The following RB1CC1 variants were observed in gnomAD, a reference collection of about 807,000 sequenced individuals.
RB1CC1 encodes RB1-inducible coiled-coil protein 1.
Under a neutral mutation model 177.5 loss-of-function variants are expected in RB1CC1, and 46 were observed. That is an observed-to-expected ratio of 0.26 (90% CI 0.20 to 0.33). The LOEUF (loss-of-function observed/expected upper bound fraction) is 0.33. RB1CC1 is among the 10% of genes least tolerant of loss of function. The pLI is 1.00. For synonymous variants in RB1CC1, 666 were observed against 613.6 expected (o/e 1.09, Z -1.26); for missense variants, 1,703 against 1,816.3 (o/e 0.94, Z 1.13).
chr8:52,673,805 A>G (rs1265827158), intron 7 of RB1CC1, 40 bp downstream of exon 7: 1 of 1,504,144 alleles, frequency 6.6e-7, no homozygotes, highest in Admixed American at 2.0e-5. Context: ...AATATAAAGT[A>G]GTAAAATGAC....
At chr8:52,712,068 C>G (rs1320252031) in intron 1 of RB1CC1, among the ~76,000 whole-genome samples, 1 of 152,114 alleles carries the variant, frequency 6.6e-6, no homozygotes, top group Non-Finnish European at 1.5e-5. Context: ...TTTTTATGTT[C>G]CTCATGTAAC....
At chr8:52,686,111 C>T (rs1591085390) in intron 2 of RB1CC1, 2 of 152,374 alleles carry the variant, frequency 1.3e-5, no homozygotes, top group South Asian at 4.1e-4. Flanking sequence ...AAGAAATCCT[C>T]CTTAATAGTT....
At chr8:52,699,419 G>A (rs1855785490) in intron 1 of RB1CC1, among the ~76,000 whole-genome samples, 2 of 152,042 alleles carry the variant, frequency 1.3e-5, no homozygotes, top group Admixed American at 1.3e-4. Flanking sequence ...AAACAAGATT[G>A]GCCATGACGT....
intron 16 of RB1CC1, 171 bp from the exon 17 acceptor site, chr8:52,642,983 C>G: frequency 1.4e-6 from 1 of 725,480 alleles, no homozygotes; most frequent in Non-Finnish European, 1.9e-6. Context: ...GGCAAAGGTT[C>G]TACTTTCTTG....
At chr8:52,663,744 C>T (rs891756927) in intron 8 of RB1CC1, among the ~76,000 whole-genome samples, 7 of 152,022 alleles carry the variant, frequency 4.6e-5, no homozygotes, top group African/African-American at 1.7e-4. Context: ...ATAAAAATTC[C>T]AGACCAGCCA....
At chr8:52,709,145 T>G (rs1221747461) in intron 1 of RB1CC1, among the ~76,000 whole-genome samples, 1 of 151,988 alleles carries the variant, frequency 6.6e-6, no homozygotes, top group African/African-American at 2.4e-5. Context: ...AGTCAGAGGT[T>G]GCGGTCAGCT....
At chr8:52,633,721 CAT>C (rs1437506534) in intron 20 of RB1CC1, among the ~76,000 whole-genome samples, 1 of 152,168 alleles carries the variant, frequency 6.6e-6, no homozygotes, top group Non-Finnish European at 1.5e-5. Flanking sequence ...TTTATTAAAA[CAT>C]ATAATTGGCT....
chr8:52,661,517 T>A lies in RB1CC1; in HGVS notation c.1358+18A>T. On this transcript the variant is annotated intron_variant, in intron 9 of 23. Coordinates refer to ENST00000025008, the MANE Select transcript of RB1CC1 (RefSeq NM_014781.5). ...CCAATTCTAAACATCTTAAAACAGA[T>A]ATAAATGAATCACTTACTTCAGTCT... 1 of 1,567,268 alleles carries A rather than the reference T, an allele frequency of 6.4e-7. No individual in the cohort carries two copies. Among genetic ancestry groups the A allele is most frequent in the South Asian group, 1.2e-5 (1 of 83,858 alleles).
intron 5 of RB1CC1, among the ~76,000 whole-genome samples, chr8:52,679,400 C>T (rs1225530318): frequency 6.6e-6 from 1 of 152,208 alleles, no homozygotes; most frequent in Non-Finnish European, 1.5e-5. Flanking sequence ...GGCCTATCTG[C>T]TTCCTCTGTC....
At position 52,704,270 on chromosome 8, in the gene RB1CC1, C is replaced by T. The variant is rs117075298; in HGVS notation, c.-167+9805G>A. 5.5e-3 allele frequency among the ~76,000 whole-genome samples: 833 copies of T among 152,080 alleles called. 7 individuals are homozygous for T. Among genetic ancestry groups the T allele is most frequent in the South Asian group, 0.021 (99 of 4,818 alleles). ...ATCTTCTATAAATAGTCAAATCATA[C>T]ATTAAACATGAGTCTAACACACTGA... On this transcript the variant is annotated intron_variant, in intron 1 of 23. Coordinates refer to ENST00000025008, the MANE Select transcript of RB1CC1 (RefSeq NM_014781.5).
Position 52,657,531 on chromosome 8 carries a change from T to G in RB1CC1, c.2298A>C (p.Ser766=). The change falls in exon 15 of 24, where the codon TCA becomes TCC. Residue 766 remains serine, a synonymous_variant. Transcript: ENST00000025008. ...SPEMMVESLY[S]SVINAIDSRR... ...TACTGTCTATCGCATTGATAACTGA[T>G]GAATAAAGTGATTCCACCATCATTT... 1 of 1,614,044 alleles carries G rather than the reference T, an allele frequency of 6.2e-7. No homozygotes were observed. Among genetic ancestry groups the G allele is most frequent in the South Asian group, 1.1e-5 (1 of 91,084 alleles).
intron 1 of RB1CC1, among the ~76,000 whole-genome samples, 174 bp downstream of exon 1, chr8:52,713,901 A>C (rs900689351): frequency 6.6e-6 from 1 of 152,094 alleles, no homozygotes; most frequent in East Asian, 1.9e-4. Flanking sequence ...GCCAGTGGGC[A>C]ACACCTGCCG....
Position 52,698,669 on chromosome 8 carries a change from G to GTTTTTTTTTTTTTTT in RB1CC1, c.-166-11703_-166-11702insAAAAAAAAAAAAAAA, listed in dbSNP as rs1855693493. Among the ~76,000 whole-genome samples the GTTTTTTTTTTTTTTT allele has an allele frequency of 1.8e-4, 4 of 22,770 alleles. 2 individuals are homozygous for GTTTTTTTTTTTTTTT. The highest frequency in any genetic ancestry group is 5.5e-4 in the African/African-American group (4 of 7,330). 14.9% of individuals were successfully genotyped at this position (22,770 alleles called of 152,430 possible). The stretch of plus-strand genomic sequence containing the variant: ...AACAAAAACTGTATATGTAATGGTT[G>GTTTTTTTTTTTTTTT]GTTTTTTTTTTTTTTTTTTTTTTTT... On this transcript the variant is annotated intron_variant, in intron 1 of 23. Transcript: ENST00000025008.
intron 1 of RB1CC1, among the ~76,000 whole-genome samples, chr8:52,707,931 A>G (rs1856723897): frequency 6.6e-6 from 1 of 152,214 alleles, no homozygotes; most frequent in African/African-American, 2.4e-5. Context: ...TCCACATATC[A>G]GTTGACAATC....
chr8:52,626,543 G>A (rs1345412999), intron 22 of RB1CC1, among the ~76,000 whole-genome samples: 4 of 152,060 alleles, frequency 2.6e-5, no homozygotes, highest in African/African-American at 9.7e-5. Flanking sequence ...AGATGAATCT[G>A]GGTAAAGAAA....
chr8:52,654,814 A>G (rs1368000632), intron 15 of RB1CC1, among the ~76,000 whole-genome samples: 3 of 152,092 alleles, frequency 2.0e-5, no homozygotes, highest in Non-Finnish European at 4.4e-5. Flanking sequence ...TTCAGTAAGA[A>G]TCCTGTTAGA....
At chr8:52,689,818 T>C (rs570256095) in intron 1 of RB1CC1, among the ~76,000 whole-genome samples, 14 of 152,136 alleles carry the variant, frequency 9.2e-5, no homozygotes, top group East Asian at 3.9e-4. Context: ...CCTAGCCTCA[T>C]ACACATCTTC....
At chr8:52,650,735 C>G (rs1370042031) in intron 15 of RB1CC1, among the ~76,000 whole-genome samples, 2 of 152,152 alleles carry the variant, frequency 1.3e-5, no homozygotes, top group East Asian at 3.8e-4. Context: ...AAATAGAACA[C>G]TGGAAAACCA....
chr8:52,640,967 A>G (rs1157966138), intron 18 of RB1CC1, among the ~76,000 whole-genome samples: 5 of 152,198 alleles, frequency 3.3e-5, no homozygotes, highest in Non-Finnish European at 7.4e-5. Context: ...GGTCAGGCAG[A>G]TAATGGGCTT....
Sources: gnomAD v4.1 joint callset for allele counts (sites outside exome capture counted in the v4.1 genomes callset) on GRCh38, gnomAD v4.1.1 for gene constraint, MANE v1.5 for transcripts, NCBI Gene and HGNC (gene_info 2026-07-23, HGNC 2026-07-21) for gene names.